TMCC1: variants seen among roughly 807,000 people sequenced by gnomAD.
The protein encoded by TMCC1 is transmembrane and coiled-coil domains protein 1.
A neutral mutation model predicts 52.4 loss-of-function variants in TMCC1; 15 were observed. The ratio of observed to expected loss-of-function variants is 0.29; its 90% CI spans 0.19 to 0.44. TMCC1 has a LOEUF of 0.44. TMCC1 is among the 20% of genes least tolerant of loss of function. TMCC1 has a pLI of 1.00. For synonymous variants in TMCC1, 279 were observed against 301.9 expected (o/e 0.92, Z 0.79); for missense variants, 503 against 806.0 (o/e 0.62, Z 4.55).
chr3:129,814,447 G>GA (rs1415455730), intron 4 of TMCC1, among the ~76,000 whole-genome samples: 1 of 151,960 alleles, frequency 6.6e-6, no homozygotes, highest in Non-Finnish European at 1.5e-5. Context: ...TACTACCAGA[G>GA]AAAATCACTT....
intron 4 of TMCC1, among the ~76,000 whole-genome samples, chr3:129,687,403 T>C (rs1172088658): frequency 2.0e-5 from 3 of 152,204 alleles, no homozygotes; most frequent in Non-Finnish European, 4.4e-5. Flanking sequence ...AAAACACTTA[T>C]TAAAGAATCC....
chr3:129,881,829 A>G (rs2061475171), intron 1 of TMCC1, among the ~76,000 whole-genome samples: 1 of 152,224 alleles, frequency 6.6e-6, no homozygotes, highest in Non-Finnish European at 1.5e-5. Flanking sequence ...CCCAAAATAT[A>G]AGACCAAAGA....
chr3:129,759,011 G>T (rs1285226574), intron 4 of TMCC1, among the ~76,000 whole-genome samples: 1 of 152,172 alleles, frequency 6.6e-6, no homozygotes, highest in African/African-American at 2.4e-5. Flanking sequence ...TTTTAAGGCT[G>T]AGTAATAGTC....
chr3:129,715,710 A>G (rs1259347657), intron 4 of TMCC1, among the ~76,000 whole-genome samples: 1 of 152,066 alleles, frequency 6.6e-6, no homozygotes, highest in East Asian at 1.9e-4. Context: ...TATGGTATAT[A>G]TATATTTTTT....
At chr3:129,767,002 C>G (rs544101831) in intron 4 of TMCC1, among the ~76,000 whole-genome samples, 1 of 151,898 alleles carries the variant, frequency 6.6e-6, no homozygotes, top group Non-Finnish European at 1.5e-5. Context: ...TGGCTTATAC[C>G]TGTAATCCCA....
At chr3:129,736,145 G>C (rs1458378250) in intron 4 of TMCC1, among the ~76,000 whole-genome samples, 2 of 152,170 alleles carry the variant, frequency 1.3e-5, no homozygotes, top group Non-Finnish European at 2.9e-5. Context: ...AAATCTGCTG[G>C]GTCACCTGAG....
chr3:129,782,875 T>C (rs72985370), intron 4 of TMCC1, among the ~76,000 whole-genome samples: 14,763 of 152,228 alleles, frequency 0.097, 842 homozygotes, highest in African/African-American at 0.16. Context: ...AAAGTACTAT[T>C]TCTGACAACT....
chr3:129,816,780 T>G (rs915733291), intron 4 of TMCC1, among the ~76,000 whole-genome samples: 2 of 152,054 alleles, frequency 1.3e-5, no homozygotes, highest in Non-Finnish European at 2.9e-5. Flanking sequence ...TCCTAACACT[T>G]TAGGAGGCTG....
intron 4 of TMCC1, among the ~76,000 whole-genome samples, chr3:129,799,110 T>C (rs764795039): frequency 1.3e-4 from 20 of 152,248 alleles, no homozygotes; most frequent in Non-Finnish European, 2.8e-4. Context: ...TTGAGTACCA[T>C]ATACAATACC....
chr3:129,874,360 T>C (rs537756833), intron 2 of TMCC1, among the ~76,000 whole-genome samples: 7 of 152,178 alleles, frequency 4.6e-5, no homozygotes, highest in Non-Finnish European at 8.8e-5. Context: ...CTGACTCAAT[T>C]TACTATGGAA....
At chr3:129,799,449 C>G (rs1320557503) in intron 4 of TMCC1, among the ~76,000 whole-genome samples, 1 of 152,168 alleles carries the variant, frequency 6.6e-6, no homozygotes, top group African/African-American at 2.4e-5. Flanking sequence ...TTTCCATATG[C>G]TCCTCTATCC....
At chr3:129,778,982 GT>G (rs947503204) in intron 4 of TMCC1, among the ~76,000 whole-genome samples, 2 of 151,880 alleles carry the variant, frequency 1.3e-5, no homozygotes, top group Non-Finnish European at 2.9e-5. Context: ...CAGGGGTTTT[GT>G]TTTGTAGTTT....
chr3:129,869,596 T>C (rs944706792), intron 2 of TMCC1, among the ~76,000 whole-genome samples: 1 of 152,130 alleles, frequency 6.6e-6, no homozygotes, highest in African/African-American at 2.4e-5. Context: ...TTGAATGGAA[T>C]TGTTGAACAC....
At position 129,754,957 on chromosome 3, in the gene TMCC1, A is replaced by G. The variant is rs1210890099; in HGVS notation, c.576+72846T>C. ...GCCAGGTGTGGTGGCGGGCGCCTGC[A>G]ATCCCAGCTACTCGGGAGGCTGAGG... On this transcript the variant is annotated intron_variant, in intron 4 of 6. Coordinates refer to ENST00000393238, the MANE Select transcript of TMCC1 (RefSeq NM_001017395.5). Among the ~76,000 whole-genome samples, 11 of 152,146 alleles carry G rather than the reference A, an allele frequency of 7.2e-5. No individual in the cohort carries two copies. In the South Asian group the frequency reaches 2.1e-3, roughly 29 times the overall value.
intron 2 of TMCC1, among the ~76,000 whole-genome samples, chr3:129,854,143 G>A (rs1041862075): frequency 1.3e-5 from 2 of 152,040 alleles, no homozygotes; most frequent in African/African-American, 2.4e-5. Flanking sequence ...TCACATCCCA[G>A]CACTTTGGGA....
chr3:129,734,273 C>T (rs891212962), intron 4 of TMCC1, among the ~76,000 whole-genome samples: 2 of 152,074 alleles, frequency 1.3e-5, no homozygotes, highest in Non-Finnish European at 2.9e-5. Flanking sequence ...TAAATAATTT[C>T]AAAAGCATGA....
chr3:129,870,693 C>A (rs1343228487), intron 2 of TMCC1, among the ~76,000 whole-genome samples: 2 of 110,034 alleles, frequency 1.8e-5, no homozygotes, highest in Non-Finnish European at 1.7e-5. Flanking sequence ...GAGCCCAGAT[C>A]GTGCCACTGC....
chr3:129,890,858 CTT>C (rs1425208872), intron 1 of TMCC1, among the ~76,000 whole-genome samples: 8 of 152,170 alleles, frequency 5.3e-5, no homozygotes, highest in Non-Finnish European at 1.0e-4. Context: ...CATGCACTAA[CTT>C]GAGGACCTAA....
intron 4 of TMCC1, among the ~76,000 whole-genome samples, chr3:129,811,899 G>C (rs969279080): frequency 1.3e-5 from 2 of 151,014 alleles, no homozygotes; most frequent in African/African-American, 4.9e-5. Flanking sequence ...AGCCCAGGTT[G>C]TGCCACTGCA....
Sources: gnomAD v4.1 joint callset for allele counts (sites outside exome capture counted in the v4.1 genomes callset) on GRCh38, gnomAD v4.1.1 for gene constraint, MANE v1.5 for transcripts, NCBI Gene and HGNC (gene_info 2026-07-23, HGNC 2026-07-21) for gene names.